The following NTM variants were observed in gnomAD, a reference collection of about 807,000 sequenced individuals.
NTM encodes the protein neurotrimin, also known as IgLON family member 2.
NTM carries 13 observed loss-of-function variants against 42.1 expected under a neutral mutation model. That is an observed-to-expected ratio of 0.31 (90% CI 0.20 to 0.49). NTM has a LOEUF of 0.49. NTM is among the 20% of genes least tolerant of loss of function. The pLI, the probability that NTM is intolerant of heterozygous loss-of-function variation, is 0.99. For synonymous variants in NTM, 187 were observed against 179.2 expected (o/e 1.04, Z -0.35); for missense variants, 373 against 452.8 (o/e 0.82, Z 1.60).
intron 1 of NTM, among the ~76,000 whole-genome samples, chr11:131,737,871 T>C (rs1565485697): frequency 6.6e-6 from 1 of 152,200 alleles, no homozygotes; most frequent in Non-Finnish European, 1.5e-5. Context: ...TGCCATTCTC[T>C]ATATTTTCCT....
At chr11:131,658,401 C>A (rs538280941) in intron 1 of NTM, among the ~76,000 whole-genome samples, 1 of 152,300 alleles carries the variant, frequency 6.6e-6, no homozygotes, top group East Asian at 1.9e-4. Context: ...GACCCCTTTT[C>A]CCACTGCCCC....
intron 1 of NTM, among the ~76,000 whole-genome samples, chr11:131,874,015 T>TATATA (rs1314514357): frequency 7.4e-5 from 5 of 67,512 alleles, no homozygotes; most frequent in South Asian, 4.0e-4. Context: ...ATAATATATT[T>TATATA]ATATAATATA....
chr11:131,891,268 T>C (rs1428372796), intron 1 of NTM, among the ~76,000 whole-genome samples: 1 of 152,146 alleles, frequency 6.6e-6, no homozygotes, highest in Non-Finnish European at 1.5e-5. Context: ...CCCTTCTCAC[T>C]GGGACGACCA....
At chr11:132,138,602 CTATCTATCTATCT>C (rs973600309) in intron 2 of NTM, among the ~76,000 whole-genome samples, 55 of 53,640 alleles carry the variant, frequency 1.0e-3, no homozygotes, top group Non-Finnish European at 2.4e-3. Flanking sequence ...ATCTATCTAT[CTATCTATCTATCT>C]ATCTATTCTA....
At chr11:132,327,647 G>A (rs1026163818) in intron 7 of NTM, among the ~76,000 whole-genome samples, 17 of 152,146 alleles carry the variant, frequency 1.1e-4, no homozygotes, top group East Asian at 5.8e-4. Context: ...CTGGACACTC[G>A]GATTCAGCCA....
chr11:132,199,495 G>A (rs926016235), intron 3 of NTM, among the ~76,000 whole-genome samples: 5 of 152,190 alleles, frequency 3.3e-5, no homozygotes, highest in African/African-American at 1.2e-4. Flanking sequence ...AAGAGAAGAT[G>A]CTGGCATAAA....
chr11:131,410,607 A>T (rs1404612277), intron 1 of NTM, among the ~76,000 whole-genome samples: 3 of 150,462 alleles, frequency 2.0e-5, no homozygotes, highest in Non-Finnish European at 4.4e-5. Context: ...TTCCTGGGAC[A>T]CTTCCCTGAT....
chr11:131,813,187 T>C (rs1049875435), intron 1 of NTM, among the ~76,000 whole-genome samples: 1 of 152,192 alleles, frequency 6.6e-6, no homozygotes, highest in African/African-American at 2.4e-5. Context: ...CAAACATCAA[T>C]TTAGTTTAAG....
At chr11:131,941,788 C>T (rs1169709596) in intron 2 of NTM, among the ~76,000 whole-genome samples, 1 of 152,184 alleles carries the variant, frequency 6.6e-6, no homozygotes, top group Admixed American at 6.5e-5. Context: ...AACCAAAACA[C>T]TAAATAATGG....
At chr11:131,934,596 T>A (rs961437521) in intron 2 of NTM, among the ~76,000 whole-genome samples, 1 of 152,160 alleles carries the variant, frequency 6.6e-6, no homozygotes, top group Non-Finnish European at 1.5e-5. Flanking sequence ...ACAAACAAGG[T>A]AACATATACA....
rs2090426964 is a variant in NTM at position 131,789,619 on chromosome 11, GAAGAAGAAGAA to G, written c.83-121944_83-121934del. 3.5e-5 allele frequency among the ~76,000 whole-genome samples: 3 copies of G among 85,326 alleles called. 1 individual carries two copies. Among genetic ancestry groups the G allele is most frequent in the African/African-American group, 1.6e-4 (3 of 18,846 alleles). The allele number at this position is 85,326 out of a possible 152,430, so 56.0% of individuals were successfully genotyped here. ...AGAAGAAGAAGAAGAAGAAGAAGAA[GAAGAAGAAGAA>G]GAAGAAAAGAAGAAGAAGAAGAAGA... On this transcript the variant is annotated intron_variant, in intron 1 of 8. Transcript: ENST00000683400.
chr11:131,557,722 G>A (rs983531932), intron 1 of NTM, among the ~76,000 whole-genome samples: 2 of 145,294 alleles, frequency 1.4e-5, no homozygotes, highest in African/African-American at 5.0e-5. Flanking sequence ...ATGCTTCTTG[G>A]AGCATTTGAA....
intron 2 of NTM, among the ~76,000 whole-genome samples, chr11:132,104,255 C>T (rs1259538265): frequency 6.6e-6 from 1 of 152,068 alleles, no homozygotes; most frequent in Non-Finnish European, 1.5e-5. Flanking sequence ...CCGCATGAGG[C>T]TATGTACCAA....
chr11:132,060,157 G>A (rs1165805143), intron 2 of NTM, among the ~76,000 whole-genome samples: 2 of 152,182 alleles, frequency 1.3e-5, no homozygotes, highest in Non-Finnish European at 2.9e-5. Context: ...GCCTCAACAC[G>A]AAGACCACAC....
intron 1 of NTM, among the ~76,000 whole-genome samples, chr11:131,824,408 C>G (rs2136453900): frequency 6.6e-6 from 1 of 152,230 alleles, no homozygotes; most frequent in African/African-American, 2.4e-5. Flanking sequence ...GTAATAGCCC[C>G]CACTCTCAAG....
chr11:131,470,091 C>T (rs1047765997), intron 1 of NTM, among the ~76,000 whole-genome samples: 1 of 152,166 alleles, frequency 6.6e-6, no homozygotes, highest in East Asian at 1.9e-4. Flanking sequence ...GGACACTGCC[C>T]GTCCTCTTCT....
chr11:131,835,763 C>A (rs1169003616), intron 1 of NTM, among the ~76,000 whole-genome samples: 1 of 152,122 alleles, frequency 6.6e-6, no homozygotes, highest in East Asian at 1.9e-4. Flanking sequence ...AGACATTTTA[C>A]AAAAGTGTTG....
At chr11:132,109,963 A>C (rs1299649615) in intron 2 of NTM, among the ~76,000 whole-genome samples, 1 of 152,174 alleles carries the variant, frequency 6.6e-6, no homozygotes, top group Non-Finnish European at 1.5e-5. Context: ...CCTCCACCTG[A>C]CAGGCTCCTG....
Position 132,146,376 on chromosome 11 carries a change from G to A in NTM, c.262G>A (p.Val88Met), listed in dbSNP as rs771940688. The A allele has an allele frequency of 6.2e-7, 1 of 1,614,166 alleles. No homozygotes were observed. The highest frequency in any genetic ancestry group is 1.1e-5 in the South Asian group (1 of 91,072). The change falls in exon 3 of 9, where the codon GTG (valine) becomes ATG (methionine). Residue 88 changes from valine (V) to methionine (M), a missense_variant. Transcript: ENST00000683400. This position sits in a 1 kb window ranked among gnomAD's most constrained non-coding sequence, Gnocchi z 4.5. The part of the protein sequence containing the change: ...GNDKWCLDPR[V>M]VLLSNTQTQY... Reference sequence around the variant, plus strand: ...TGACAAGTGGTGCCTGGATCCTCGCGTGGTCCTTCTGAGCAACACCCAAAC... The same window carrying A: ...TGACAAGTGGTGCCTGGATCCTCGCATGGTCCTTCTGAGCAACACCCAAAC...
Sources: allele counts gnomAD v4.1 joint callset (sites outside exome capture counted in the v4.1 genomes callset), GRCh38; gene constraint gnomAD v4.1.1; non-coding constraint Gnocchi (gnomAD v3.1); transcripts MANE v1.5; gene names NCBI Gene and HGNC (gene_info 2026-07-23, HGNC 2026-07-21).